ARHGAP42: variants seen among roughly 807,000 people sequenced by gnomAD.
ARHGAP42 encodes the protein rho GTPase-activating protein 42.
ARHGAP42 carries 63 observed loss-of-function variants against 125.0 expected under a neutral mutation model. That is an observed-to-expected ratio of 0.50 (90% CI 0.41 to 0.62). The LOEUF (loss-of-function observed/expected upper bound fraction) is 0.62, where lower values mean the gene tolerates loss of function less well. Among genes scored for constraint, ARHGAP42 ranks in the 20% least tolerant of loss-of-function variants. ARHGAP42 has a pLI of 0.00. For missense variants in ARHGAP42, 766 were observed against 1,024.2 expected, an observed-to-expected ratio of 0.75 and a Z score of 3.44; for synonymous variants, 339 against 351.0, an observed-to-expected ratio of 0.97 and a Z score of 0.38.
At chr11:100,911,854 C>G (rs1308364884) in intron 4 of ARHGAP42, among the ~76,000 whole-genome samples, 2 of 152,068 alleles carry the variant, frequency 1.3e-5, no homozygotes, top group African/African-American at 4.8e-5. Flanking sequence ...CTTGGTAGGA[C>G]CACATTTTCT....
chr11:100,891,652 A>T (rs766375062), intron 4 of ARHGAP42, among the ~76,000 whole-genome samples: 14 of 152,118 alleles, frequency 9.2e-5, no homozygotes, highest in Non-Finnish European at 2.1e-4. Context: ...CATGTTAGCC[A>T]AACTGGCCTC....
chr11:100,904,219 C>A (rs1866655326), intron 4 of ARHGAP42, among the ~76,000 whole-genome samples: 1 of 151,896 alleles, frequency 6.6e-6, no homozygotes, highest in East Asian at 1.9e-4. Flanking sequence ...ATATCGAACA[C>A]CCCCTCTACT....
chr11:100,708,451 T>C (rs1861512154), intron 1 of ARHGAP42, among the ~76,000 whole-genome samples: 2 of 152,174 alleles, frequency 1.3e-5, no homozygotes, highest in Non-Finnish European at 2.9e-5. Flanking sequence ...AGGTCAAGGC[T>C]GCAGTGAGCC....
At chr11:100,794,878 G>C (rs1863670960) in intron 2 of ARHGAP42, among the ~76,000 whole-genome samples, 1 of 151,966 alleles carries the variant, frequency 6.6e-6, no homozygotes. Context: ...GCTTTAATTT[G>C]TACATACCTC....
intron 18 of ARHGAP42, 142 bp downstream of exon 18, chr11:100,973,476 A>T: frequency 3.5e-6 from 3 of 862,640 alleles, no homozygotes; most frequent in Non-Finnish European, 5.3e-6. Context: ...GTTGTTTTTA[A>T]GTGCTTCTCA....
At chr11:100,792,452 A>G (rs1480479649) in intron 2 of ARHGAP42, among the ~76,000 whole-genome samples, 1 of 152,114 alleles carries the variant, frequency 6.6e-6, no homozygotes, top group Non-Finnish European at 1.5e-5. Context: ...ACTTTTAGTC[A>G]TTTCTTGTAA....
At chr11:100,698,452 C>T (rs1385576318) in intron 1 of ARHGAP42, among the ~76,000 whole-genome samples, 3 of 152,130 alleles carry the variant, frequency 2.0e-5, no homozygotes, top group Non-Finnish European at 2.9e-5. Flanking sequence ...GCCTGGGCCA[C>T]AGAGCGAGAC....
chr11:100,725,372 T>A (rs745346770), intron 1 of ARHGAP42, among the ~76,000 whole-genome samples: 2 of 151,788 alleles, frequency 1.3e-5, no homozygotes, highest in Non-Finnish European at 2.9e-5. Flanking sequence ...GGTTTCACCA[T>A]GTTGGTCAGG....
chr11:100,857,807 T>C (rs1196814568), intron 3 of ARHGAP42, among the ~76,000 whole-genome samples: 3 of 152,070 alleles, frequency 2.0e-5, no homozygotes, highest in Non-Finnish European at 4.4e-5. Context: ...ATTCCTGCTA[T>C]GCATCTGTCA....
At position 100,941,933 on chromosome 11, in the gene ARHGAP42, A is replaced by C. The variant is rs143150066; in HGVS notation, c.933+49A>C. ...TGTTTTTTAAACTGTTCATTATTTA[A>C]GTAATGGAATTAAAACAAAAAAATC... On this transcript the variant is annotated intron_variant, in intron 9 of 23. Transcript: ENST00000298815. 2.6e-4 allele frequency: 349 copies of C among 1,319,298 alleles called. 1 individual carries two copies. In the East Asian group the frequency reaches 8.4e-3, roughly 32 times the overall value. 81.7% of individuals were successfully genotyped at this position (1,319,298 alleles called of 1,614,324 possible).
chr11:100,710,379 A>T (rs977147053), intron 1 of ARHGAP42, among the ~76,000 whole-genome samples: 15 of 146,964 alleles, frequency 1.0e-4, no homozygotes, highest in East Asian at 2.0e-4. Flanking sequence ...GGTGCATGCC[A>T]CCATGCCTGG....
intron 3 of ARHGAP42, among the ~76,000 whole-genome samples, chr11:100,814,418 A>G (rs1479426346): frequency 6.6e-6 from 1 of 152,122 alleles, no homozygotes; most frequent in Non-Finnish European, 1.5e-5. Context: ...GCTCTCACTA[A>G]CAGGCTTTGA....
intron 1 of ARHGAP42, among the ~76,000 whole-genome samples, chr11:100,713,857 C>T (rs1390961348): frequency 6.6e-6 from 1 of 152,056 alleles, no homozygotes; most frequent in Non-Finnish European, 1.5e-5. Context: ...AAATTCGTTG[C>T]ATTTTGTTTA....
At chr11:100,813,483 G>C (rs148189258) in intron 3 of ARHGAP42, among the ~76,000 whole-genome samples, 30 of 152,242 alleles carry the variant, frequency 2.0e-4, no homozygotes, top group African/African-American at 7.2e-4. Flanking sequence ...GCCAAATGCA[G>C]TGTTGAGTGG....
At chr11:100,787,888 T>A (rs138582262) in intron 2 of ARHGAP42, among the ~76,000 whole-genome samples, 1 of 152,088 alleles carries the variant, frequency 6.6e-6, no homozygotes, top group East Asian at 1.9e-4. Context: ...TTGTGAAGAG[T>A]CTGGATTGGT....
intron 2 of ARHGAP42, among the ~76,000 whole-genome samples, chr11:100,785,806 A>G (rs1032334970): frequency 6.6e-6 from 1 of 152,226 alleles, no homozygotes; most frequent in South Asian, 2.1e-4. Context: ...GTTTGCCTTT[A>G]AAGATGATAA....
At chr11:100,830,640 G>C (rs1203810767) in intron 3 of ARHGAP42, among the ~76,000 whole-genome samples, 2 of 152,188 alleles carry the variant, frequency 1.3e-5, no homozygotes, top group African/African-American at 4.8e-5. Flanking sequence ...CAACTCATCT[G>C]TGATGCCAAT....
chr11:100,836,692 A>T (rs1864794347), intron 3 of ARHGAP42, among the ~76,000 whole-genome samples: 1 of 144,062 alleles, frequency 6.9e-6, no homozygotes. Context: ...CTAATTTGAG[A>T]TGTGTAAGGT....
At chr11:100,750,640 TG>T (rs1270873396) in intron 1 of ARHGAP42, among the ~76,000 whole-genome samples, 2 of 143,378 alleles carry the variant, frequency 1.4e-5, no homozygotes, top group African/African-American at 5.2e-5. Context: ...AAGAGAGTGA[TG>T]GGGTGAGTGG....
Sources: gnomAD v4.1 joint callset for allele counts (sites outside exome capture counted in the v4.1 genomes callset) on GRCh38, gnomAD v4.1.1 for gene constraint, MANE v1.5 for transcripts, NCBI Gene and HGNC (gene_info 2026-07-23, HGNC 2026-07-21) for gene names.